Variants in RPH3AL observed in about 807,000 individuals in gnomAD.
RPH3AL encodes rabphilin 3A like (without C2 domains).
In RPH3AL, 38 loss-of-function variants were observed where a neutral mutation model predicts 43.1. That is an observed-to-expected ratio of 0.88 (90% CI 0.68 to 1.15). RPH3AL has a LOEUF of 1.15. Among genes scored for constraint, RPH3AL ranks in the 50% most tolerant of loss-of-function variants. The pLI, the probability that RPH3AL is intolerant of heterozygous loss-of-function variation, is 0.00. For missense variants in RPH3AL, 462 were observed against 423.2 expected (o/e 1.09, Z -0.81); for synonymous variants, 189 against 176.3 (o/e 1.07, Z -0.57).
chr17:248,796 TGATTA>T (rs1555541197), intron 6 of RPH3AL, among the ~76,000 whole-genome samples: 1 of 152,198 alleles, frequency 6.6e-6, no homozygotes, highest in East Asian at 1.9e-4. Context: ...GTTTCTTTAT[TGATTA>T]AATTGATGAA....
chr17:249,577 C>T (rs2041839126), intron 6 of RPH3AL, among the ~76,000 whole-genome samples: 1 of 151,518 alleles, frequency 6.6e-6, no homozygotes, highest in Non-Finnish European at 1.5e-5. Context: ...AATTCAAAAC[C>T]AGAAGACCAG....
chr17:350,650 A>C (rs1445052648), intron 1 of RPH3AL, among the ~76,000 whole-genome samples: 1 of 152,208 alleles, frequency 6.6e-6, no homozygotes, highest in Non-Finnish European at 1.5e-5. Context: ...TCTGGTACCT[A>C]GCAGGCCCTC....
chr17:272,365 T>A (rs987021356), intron 6 of RPH3AL, among the ~76,000 whole-genome samples: 4 of 151,926 alleles, frequency 2.6e-5, no homozygotes, highest in Admixed American at 6.6e-5. Context: ...CAAATGTCCA[T>A]CAGTGATAGA....
chr17:315,443 T>TCCATTGACCTGTAGTCCCTGTGCCC (rs1468445707), intron 5 of RPH3AL, among the ~76,000 whole-genome samples: 4 of 13,630 alleles, frequency 2.9e-4, no homozygotes, highest in Non-Finnish European at 6.3e-4. Context: ...TCCCTGTGCC[T>TCCATTGACCTGTAGTCCCTGTGCCC]CACCTCCATT....
intron 5 of RPH3AL, among the ~76,000 whole-genome samples, chr17:309,451 A>G (rs12953181): frequency 0.97 from 121,895 of 125,972 alleles, 59,011 homozygotes; most frequent in South Asian, 1. Context: ...GATACGGCAC[A>G]TCCCTTGTCC....
chr17:321,406 C>T lies in RPH3AL; in HGVS notation c.87G>A (p.Thr29=), dbSNP rs150560792. 2.5e-4 allele frequency: 409 copies of T among 1,607,128 alleles called. No homozygotes were observed. In the African/African-American group the frequency reaches 3.9e-3, roughly 16 times the overall value. ...RQLALRAKLQ[T]GWSVHTYQTE... is the part of the protein sequence containing the mutation. ...TCTGGTAGGTGTGCACGGACCAGCC[C>T]GTCTGCAGCCTCGAGAGGGAACAGC... Residue 29 remains threonine, a synonymous_variant, in exon 4 of 10, where the codon ACG becomes ACA. Transcript: ENST00000331302.
At position 225,115 on chromosome 17, in the gene RPH3AL, GAA is replaced by G. The variant is rs34369453; in HGVS notation, c.614-5381_614-5380del. Among the ~76,000 whole-genome samples, 33,672 of 139,008 alleles carry G rather than the reference GAA, an allele frequency of 0.24. 4,556 individuals carry two copies. Among genetic ancestry groups the G allele is most frequent in the Non-Finnish European group, 0.31 (20,238 of 64,550 alleles). The allele number at this position is 139,008 out of a possible 152,430, so 91.2% of individuals were successfully genotyped here. A position where few individuals can be genotyped will look rare whatever the true frequency, so the allele number is the denominator to read the frequency against. On this transcript the variant is annotated intron_variant, in intron 7 of 9. Transcript: ENST00000331302. The surrounding 1 kb of genome is among the most constrained non-coding windows in gnomAD (Gnocchi z 4.4). ...GTACCCTAGAACTTAAAATATAATG[GAA>G]AAAAAAAAAAAAAGAGTGATGAGCA... is the stretch of plus-strand genomic sequence containing the variant.
chr17:215,415 C>A lies in RPH3AL; in HGVS notation c.876+239G>T, dbSNP rs2040772566. On this transcript the variant is annotated intron_variant, in intron 9 of 9. Transcript: ENST00000331302. This position sits in a 1 kb window ranked among gnomAD's most constrained non-coding sequence, Gnocchi z 4.1. ...CGTTTTATGTAGCAGAGGATGGTAA[C>A]CACTGCTGTGATTACCGAGAGTGGC... 1.3e-5 allele frequency among the ~76,000 whole-genome samples: 2 copies of A among 152,224 alleles called. No homozygotes were observed. The highest frequency in any genetic ancestry group is 2.9e-5 in the Non-Finnish European group (2 of 68,040).
Position 289,762 on chromosome 17 carries a change from G to A in RPH3AL, c.352-7908C>T, listed in dbSNP as rs866949863. On this transcript the variant is annotated intron_variant, in intron 5 of 9. Coordinates refer to ENST00000331302, the MANE Select transcript of RPH3AL (RefSeq NM_006987.4). This position sits in a 1 kb window ranked among gnomAD's most constrained non-coding sequence, Gnocchi z 5.2. Reference sequence around the variant, plus strand: ...TCCTTCTGCCACAGGACCTTTGCACGTGTTGCCCCCTCTGTGTGGCCACGC... The same window carrying A: ...TCCTTCTGCCACAGGACCTTTGCACATGTTGCCCCCTCTGTGTGGCCACGC... Among the ~76,000 whole-genome samples, 7 of 152,168 alleles carry A rather than the reference G, an allele frequency of 4.6e-5. No homozygotes were observed. The highest frequency in any genetic ancestry group is 3.3e-4 in the Admixed American group (5 of 15,280).
chr17:219,809 G>A (rs1337024009), intron 7 of RPH3AL, 73 bp from the exon 8 acceptor site: 3 of 1,123,886 alleles, frequency 2.7e-6, no homozygotes, highest in East Asian at 2.4e-5. Flanking sequence ...GGAGGGACGA[G>A]GGCAGGCCTC....
rs144788868 is a variant in RPH3AL, at chr17:337,684, C to A, written c.-212-3750G>T. On this transcript the variant is annotated intron_variant, in intron 1 of 9. Transcript: ENST00000331302. ...AGCGGCACCTCTCAGTTTCCTTGGC[C>A]TCGTTCATTCAACACACACACGCTG... Among the ~76,000 whole-genome samples, 522 of 152,346 alleles carry A rather than the reference C, an allele frequency of 3.4e-3. 3 individuals are homozygous for A. The highest frequency in any genetic ancestry group is 0.012 in the African/African-American group (495 of 41,576).
At chr17:314,430 C>CTCTATGCCCCCA in intron 5 of RPH3AL, among the ~76,000 whole-genome samples, 2 of 127,972 alleles carry the variant, frequency 1.6e-5, no homozygotes, top group Non-Finnish European at 3.2e-5. Context: ...GACATGTAGT[C>CTCTATGCCCCCA]CCTCTGCCCC....
At chr17:259,234 G>A (rs1555545498) in intron 6 of RPH3AL, among the ~76,000 whole-genome samples, 1 of 152,204 alleles carries the variant, frequency 6.6e-6, no homozygotes, top group Non-Finnish European at 1.5e-5. Flanking sequence ...CCCAGCATCA[G>A]GGGACCACAG....
Position 346,549 on chromosome 17 carries a change from G to T in RPH3AL, c.-213+6163C>A, listed in dbSNP as rs910893806. The stretch of plus-strand genomic sequence containing the variant: ...TTATTCACTCTCATGAGAACAGCAC[G>T]GGAAAGACCCGCCCCCATGATTCAA... On this transcript the variant is annotated intron_variant, in intron 1 of 9. Coordinates refer to ENST00000331302, the MANE Select transcript of RPH3AL (RefSeq NM_006987.4). Among the ~76,000 whole-genome samples, 2 of 133,468 alleles carry T rather than the reference G, an allele frequency of 1.5e-5. 1 individual carries two copies. The highest frequency in any genetic ancestry group is 3.4e-5 in the Non-Finnish European group (2 of 58,868). The allele number at this position is 133,468 out of a possible 152,430, so 87.6% of individuals were successfully genotyped here. A position where few individuals can be genotyped will look rare whatever the true frequency, so the allele number is the denominator to read the frequency against.
intron 4 of RPH3AL, 74 bp from the exon 5 acceptor site, chr17:319,623 T>G: frequency 1.3e-6 from 2 of 1,564,232 alleles, no homozygotes; most frequent in Admixed American, 1.7e-5. Context: ...CCCGAAACCG[T>G]ACCATGCCAC....
intron 5 of RPH3AL, among the ~76,000 whole-genome samples, chr17:300,238 AGCC>A (rs1233806143): frequency 7.7e-4 from 75 of 97,180 alleles, no homozygotes; most frequent in African/African-American, 3.4e-3. Flanking sequence ...GGGCTGGCCC[AGCC>A]TAGGCCTGCA....
intron 5 of RPH3AL, among the ~76,000 whole-genome samples, chr17:294,453 C>G (rs1322884297): frequency 1.3e-5 from 2 of 152,174 alleles, no homozygotes; most frequent in African/African-American, 4.8e-5. Context: ...GACCCAGACT[C>G]GAATTTTAAA....
chr17:295,262 CA>C (rs2043146960), intron 5 of RPH3AL, among the ~76,000 whole-genome samples: 1 of 140,438 alleles, frequency 7.1e-6, no homozygotes, highest in Non-Finnish European at 1.5e-5. Context: ...AGGGAATGCA[CA>C]TCAGTGTGGG....
chr17:228,440 G>T (rs184003437), intron 7 of RPH3AL, among the ~76,000 whole-genome samples: 1 of 152,108 alleles, frequency 6.6e-6, no homozygotes, highest in South Asian at 2.1e-4. Flanking sequence ...GGAGTAACGC[G>T]TTCGGCATCT....
Sources: gnomAD v4.1 joint callset for allele counts (sites outside exome capture counted in the v4.1 genomes callset) on GRCh38, gnomAD v4.1.1 for gene constraint, Gnocchi (gnomAD v3.1) non-coding constraint, MANE v1.5 for transcripts, NCBI Gene and HGNC (gene_info 2026-07-23, HGNC 2026-07-21) for gene names.